Variants in PTPRO observed in about 807,000 individuals in gnomAD.
The protein encoded by PTPRO is protein tyrosine phosphatase receptor type O, also known as receptor-type tyrosine-protein phosphatase O.
PTPRO carries 62 observed loss-of-function variants against 145.2 expected under a neutral mutation model. The observed-to-expected ratio is 0.43, with a 90% CI of 0.35 to 0.53. PTPRO has a LOEUF of 0.53. Among genes scored for constraint, PTPRO ranks in the 20% least tolerant of loss-of-function variants. PTPRO has a pLI of 0.01. For missense variants in PTPRO, 1,345 were observed against 1,482.7 expected, an observed-to-expected ratio of 0.91 and a Z score of 1.53; for synonymous variants, 565 against 514.7, an observed-to-expected ratio of 1.10 and a Z score of -1.32.
chr12:15,373,678 A>G (rs115402223), intron 1 of PTPRO, among the ~76,000 whole-genome samples: 3,302 of 152,272 alleles, frequency 0.022, 125 homozygotes, highest in African/African-American at 0.075. Flanking sequence ...ACTATGTGCA[A>G]ATCATTTTAT....
At chr12:15,551,439 T>C in intron 14 of PTPRO, 112 bp from the exon 15 acceptor site, 1 of 1,332,634 alleles carries the variant, frequency 7.5e-7, no homozygotes, top group South Asian at 1.2e-5. Context: ...GTTACTATTA[T>C]TGGTATCATC....
At chr12:15,550,318 T>C (rs1302481484) in intron 14 of PTPRO, among the ~76,000 whole-genome samples, 1 of 152,194 alleles carries the variant, frequency 6.6e-6, no homozygotes, top group African/African-American at 2.4e-5. Context: ...AAGCAGATCT[T>C]CATAAAGATC....
At chr12:15,587,311 C>T (rs965673721) in intron 24 of PTPRO, 2 of 459,776 alleles carry the variant, frequency 4.3e-6, no homozygotes, top group Non-Finnish European at 7.9e-6. Context: ...AAGGGATTCA[C>T]ACAAGTTCAT....
intron 15 of PTPRO, 87 bp from the exon 16 acceptor site, chr12:15,557,368 A>G: frequency 8.5e-7 from 1 of 1,178,590 alleles, no homozygotes; most frequent in Non-Finnish European, 1.3e-6. Context: ...TGTGATGATA[A>G]GCTGGTAAAG....
intron 1 of PTPRO, among the ~76,000 whole-genome samples, chr12:15,389,085 T>C (rs1006968658): frequency 6.6e-5 from 10 of 151,490 alleles, no homozygotes; most frequent in African/African-American, 2.4e-4. Flanking sequence ...CAAGACCCTG[T>C]CTCGAAAATA....
chr12:15,519,409 T>G (rs948694895), intron 9 of PTPRO, among the ~76,000 whole-genome samples: 1 of 152,174 alleles, frequency 6.6e-6, no homozygotes, highest in Admixed American at 6.5e-5. Flanking sequence ...TGTTTTTGCT[T>G]TTAGGTTTTG....
chr12:15,570,333 T>A, intron 19 of PTPRO, among the ~76,000 whole-genome samples: 1 of 152,096 alleles, frequency 6.6e-6, no homozygotes, highest in East Asian at 1.9e-4. Context: ...TTTTTTTTTT[T>A]TATAAAGCCT....
In PTPRO at chr12:15,515,480, T is replaced by G. The variant is rs1271158542; in HGVS notation, c.1465-18T>G. On this transcript the variant is annotated intron_variant, in intron 7 of 26. Transcript: ENST00000281171. ...AATCCCAGCTCTAAATAAATCTTATTGGGTGTTTGGTTTAAAGGTGAACTC... is the reference window on the plus strand; with the variant it reads ...AATCCCAGCTCTAAATAAATCTTATGGGGTGTTTGGTTTAAAGGTGAACTC... 2 of 1,613,526 alleles carry G rather than the reference T, an allele frequency of 1.2e-6. No individual in the cohort carries two copies. The highest frequency in any genetic ancestry group is 1.7e-6 in the Non-Finnish European group (2 of 1,179,476).
At chr12:15,533,919 TCTACCTCTATAGAAAGA>T (rs1327609815) in intron 12 of PTPRO, among the ~76,000 whole-genome samples, 1 of 152,116 alleles carries the variant, frequency 6.6e-6, no homozygotes, top group Non-Finnish European at 1.5e-5. Flanking sequence ...GAGGGTAGGT[TCTACCTCTATAGAAAGA>T]AACCAAACTA....
chr12:15,324,847 G>A (rs1866402167), intron 1 of PTPRO, among the ~76,000 whole-genome samples: 1 of 152,152 alleles, frequency 6.6e-6, no homozygotes, highest in South Asian at 2.1e-4. Context: ...GGCACACAGT[G>A]TAATATCTTA....
At chr12:15,373,280 T>G (rs549528186) in intron 1 of PTPRO, among the ~76,000 whole-genome samples, 1 of 152,304 alleles carries the variant, frequency 6.6e-6, no homozygotes, top group East Asian at 1.9e-4. Flanking sequence ...CAAATTGTCT[T>G]GTGAGCAGCA....
At chr12:15,583,455 G>C (rs1220071076) in intron 23 of PTPRO, among the ~76,000 whole-genome samples, 2 of 150,620 alleles carry the variant, frequency 1.3e-5, no homozygotes, top group Admixed American at 1.3e-4. Flanking sequence ...CTTCAGCCTG[G>C]GCAACAAGAG....
chr12:15,581,720 A>G lies in PTPRO; in HGVS notation c.3174A>G (p.Ile1058Met), dbSNP rs1320609168. 6.2e-7 allele frequency: 1 copy of G among 1,613,892 alleles called. No individual in the cohort carries two copies. Among genetic ancestry groups the G allele is most frequent in the Non-Finnish European group, 8.5e-7 (1 of 1,179,910 alleles). The change falls in exon 23 of 27, where the codon ATA becomes ATG. Residue 1058 changes from isoleucine (I) to methionine (M), a missense_variant. This residue lies in a region of PTPRO where 208 missense variants were observed against 242.8 expected (regional missense o/e 0.86). Coordinates refer to ENST00000281171, the MANE Select transcript of PTPRO (RefSeq NM_030667.3). ...DHYWPFTEEP[I>M]AYGDITVEMI... The stretch of plus-strand genomic sequence containing the variant: ...ACTGGCCATTCACGGAAGAACCTAT[A>G]GCCTATGGAGACATCACTGTGGAGA...
chr12:15,377,095 C>G (rs1480154975), intron 1 of PTPRO, among the ~76,000 whole-genome samples: 9 of 151,908 alleles, frequency 5.9e-5, no homozygotes, highest in Non-Finnish European at 1.3e-4. Context: ...GGAGTAAAGT[C>G]TCAGTATATT....
intron 5 of PTPRO, among the ~76,000 whole-genome samples, chr12:15,502,585 A>G (rs1942244329): frequency 6.6e-6 from 1 of 152,198 alleles, no homozygotes. Flanking sequence ...CAGTTTTCCA[A>G]AGAGAAGCTG....
At chr12:15,554,992 G>A (rs1044173508) in intron 15 of PTPRO, among the ~76,000 whole-genome samples, 9 of 151,946 alleles carry the variant, frequency 5.9e-5, no homozygotes, top group East Asian at 5.8e-4. Context: ...TTGTAATCCC[G>A]GCACTTTGGG....
At position 15,586,936 on chromosome 12, in the gene PTPRO, G is replaced by C; in HGVS notation, c.3295G>C (p.Ala1099Pro). 1 of 1,614,076 alleles carries C rather than the reference G, an allele frequency of 6.2e-7. No individual in the cohort carries two copies. Among genetic ancestry groups the C allele is most frequent in the Middle Eastern group, 1.6e-4 (1 of 6,062 alleles). The change falls in exon 24 of 27, where the codon GCA (alanine) becomes CCA (proline). Residue 1099 changes from alanine to proline, a missense_variant. This residue lies in a region of PTPRO where 208 missense variants were observed against 242.8 expected (regional missense o/e 0.86). Transcript: ENST00000281171. Reference protein sequence around the residue: ...MQDVMHFNYTAWPDHGVPTAN... With the variant: ...MQDVMHFNYTPWPDHGVPTAN... ...GGATGTGATGCATTTTAACTACACT[G>C]CATGGCCTGATCATGGTGTGCCCAC...
intron 1 of PTPRO, among the ~76,000 whole-genome samples, chr12:15,467,294 G>A (rs1941437038): frequency 6.6e-6 from 1 of 152,012 alleles, no homozygotes; most frequent in Admixed American, 6.6e-5. Flanking sequence ...GCACTTGGAT[G>A]CCCACAGTCA....
chr12:15,367,196 A>G (rs1465810487), intron 1 of PTPRO, among the ~76,000 whole-genome samples: 3 of 152,218 alleles, frequency 2.0e-5, no homozygotes, highest in African/African-American at 7.2e-5. Context: ...CTTCAAAGTA[A>G]GAAAATTTAT....
Sources: gnomAD v4.1 joint callset for allele counts (sites outside exome capture counted in the v4.1 genomes callset) on GRCh38, gnomAD v4.1.1 for gene constraint, gnomAD v4.1.1 regional missense constraint, MANE v1.5 for transcripts, NCBI Gene and HGNC (gene_info 2026-07-23, HGNC 2026-07-21) for gene names.